Variants in NFIB observed in about 807,000 individuals in gnomAD.
NFIB encodes nuclear factor I B.
NFIB carries 11 observed loss-of-function variants against 61.5 expected under a neutral mutation model. That is an observed-to-expected ratio of 0.18 (90% CI 0.11 to 0.30). The LOEUF is 0.30. NFIB is among the 10% of genes least tolerant of loss of function. The probability of loss-of-function intolerance (pLI) is 1.00; values close to 1 mark genes in which losing one functional copy is unlikely to be tolerated. For missense variants in NFIB, 471 were observed against 608.9 expected (o/e 0.77, Z 2.38); for synonymous variants, 260 against 216.5 (o/e 1.20, Z -1.76).
At chr9:14,186,407 CTT>C (rs2131508376) in intron 2 of NFIB, among the ~76,000 whole-genome samples, 1 of 152,146 alleles carries the variant, frequency 6.6e-6, no homozygotes, top group Admixed American at 6.5e-5. Flanking sequence ...CAGTCTCTTT[CTT>C]TCTCTCTAAA....
chr9:14,084,644 G>C lies in NFIB; in HGVS notation c.*3665C>G, dbSNP rs117289522. The C allele has an allele frequency of 2.3e-3, 525 of 229,928 alleles. 1 individual carries two copies. The highest frequency in any genetic ancestry group is 3.8e-3 in the Non-Finnish European group (439 of 115,828). The allele number at this position is 229,928 out of a possible 1,614,324, so 14.2% of individuals were successfully genotyped here. On this transcript the variant is annotated 3_prime_UTR_variant, in exon 11 of 11. Transcript: ENST00000380953. ...AACAGTGCCACGGAACTGATGGTTG[G>C]AGACACCACTCCCTACTCATGCCCT...
the NFIB span, among the ~76,000 whole-genome samples, chr9:14,454,960 T>A: frequency 1.3e-5 from 2 of 152,216 alleles, no homozygotes; most frequent in Non-Finnish European, 2.9e-5. Flanking sequence ...AATGAAGATT[T>A]AGAGCAGAAT....
intron 2 of NFIB, among the ~76,000 whole-genome samples, chr9:14,269,460 T>C (rs2057443137): frequency 6.6e-6 from 1 of 152,200 alleles, no homozygotes; most frequent in African/African-American, 2.4e-5. Context: ...TACGACATCA[T>C]TTTCAAAGTG....
At chr9:14,333,623 T>C (rs974879985) in intron 1 of NFIB, among the ~76,000 whole-genome samples, 6 of 152,196 alleles carry the variant, frequency 3.9e-5, no homozygotes, top group African/African-American at 1.4e-4. Flanking sequence ...TTTGGATCCC[T>C]AAAAAGTAAG....
chr9:14,243,570 A>T lies in NFIB; in HGVS notation c.562+63419T>A, dbSNP rs149879511. On this transcript the variant is annotated intron_variant, in intron 2 of 10. Coordinates refer to ENST00000380953, the MANE Select transcript of NFIB (RefSeq NM_001190737.2). ...TAAATGAGTTTTCAAGTCCAGCCAGAAAGTCAACCTATGGTTAGATTTACC... is the reference window on the plus strand; with the variant it reads ...TAAATGAGTTTTCAAGTCCAGCCAGTAAGTCAACCTATGGTTAGATTTACC... Among the ~76,000 whole-genome samples the T allele has an allele frequency of 7.9e-5, 12 of 152,164 alleles. No homozygotes were observed. The East Asian group carries it at 2.3e-3, about 29-fold the overall frequency.
At chr9:14,415,441 A>G in the NFIB span, among the ~76,000 whole-genome samples, 207 of 152,336 alleles carry the variant, frequency 1.4e-3, no homozygotes, top group Non-Finnish European at 2.3e-3. Flanking sequence ...ACAATATTCT[A>G]TCAACTAGAA....
At chr9:14,124,046 C>T (rs2039315888) in intron 7 of NFIB, among the ~76,000 whole-genome samples, 1 of 152,124 alleles carries the variant, frequency 6.6e-6, no homozygotes, top group African/African-American at 2.4e-5. Flanking sequence ...CACTCTCTCC[C>T]CACTATATCC....
chr9:14,377,513 G>A lies in NFIB; in HGVS notation c.108+21011C>T, dbSNP rs374187540. Reference sequence around the variant, plus strand: ...ATTACAGGCAAGAGCCACCGTGCCTGGCCTGGAGAATGCTTTTCATCAGCA... The same window carrying A: ...ATTACAGGCAAGAGCCACCGTGCCTAGCCTGGAGAATGCTTTTCATCAGCA... On this transcript the variant is annotated intron_variant, in intron 1 of 8. Transcript: ENST00000380934. 3.4e-4 allele frequency among the ~76,000 whole-genome samples: 51 copies of A among 152,238 alleles called. No individual in the cohort carries two copies. The South Asian group carries it at 0.011, about 32-fold the overall frequency.
At chr9:14,477,019 T>A in the NFIB span, among the ~76,000 whole-genome samples, 4 of 152,232 alleles carry the variant, frequency 2.6e-5, no homozygotes, top group Non-Finnish European at 4.4e-5. Flanking sequence ...AGAATATATA[T>A]GATTTCTTTG....
At chr9:14,332,160 C>T (rs1258212160) in intron 1 of NFIB, among the ~76,000 whole-genome samples, 1 of 151,902 alleles carries the variant, frequency 6.6e-6, no homozygotes, top group Non-Finnish European at 1.5e-5. Context: ...TGGTGAAACC[C>T]CGTCTCTACT....
chr9:14,234,805 G>GTTTT (rs113148766), intron 2 of NFIB, among the ~76,000 whole-genome samples: 1 of 142,974 alleles, frequency 7.0e-6, no homozygotes, highest in African/African-American at 2.6e-5. Context: ...TTTTTTTTTG[G>GTTTT]TTTTTTTTTT....
the NFIB span, among the ~76,000 whole-genome samples, chr9:14,493,045 A>G: frequency 6.6e-6 from 1 of 152,228 alleles, no homozygotes; most frequent in Non-Finnish European, 1.5e-5. Context: ...AAATGGTAGC[A>G]GTGATTACTA....
At chr9:14,288,338 C>A (rs1385791678) in intron 2 of NFIB, among the ~76,000 whole-genome samples, 1 of 144,644 alleles carries the variant, frequency 6.9e-6, no homozygotes, top group Non-Finnish European at 1.6e-5. Context: ...TGTTACGATT[C>A]AATAATAAAA....
chr9:14,304,315 A>C (rs543716060), intron 2 of NFIB, among the ~76,000 whole-genome samples: 2 of 152,248 alleles, frequency 1.3e-5, no homozygotes, highest in African/African-American at 2.4e-5. Flanking sequence ...ATGAAACTTT[A>C]GTACATGTTG....
intron 2 of NFIB, among the ~76,000 whole-genome samples, chr9:14,198,301 G>A (rs2048668850): frequency 6.6e-6 from 1 of 152,044 alleles, no homozygotes; most frequent in Admixed American, 6.6e-5. Flanking sequence ...TGTTCACTAT[G>A]GCATTCTACG....
At chr9:14,219,431 T>C (rs1003436392) in intron 2 of NFIB, among the ~76,000 whole-genome samples, 2 of 111,720 alleles carry the variant, frequency 1.8e-5, no homozygotes, top group African/African-American at 6.9e-5. Flanking sequence ...TTTTTCCAAA[T>C]ACGATGTAAT....
chr9:14,305,547 CTTAAATGCATGGAAATA>C (rs1243483713), intron 2 of NFIB, among the ~76,000 whole-genome samples: 2 of 152,234 alleles, frequency 1.3e-5, no homozygotes, highest in East Asian at 3.9e-4. Flanking sequence ...GACTGTAATT[CTTAAATGCATGGAAATA>C]TTAAATGCAA....
At chr9:14,167,260 T>C (rs2044953852) in intron 3 of NFIB, among the ~76,000 whole-genome samples, 2 of 152,148 alleles carry the variant, frequency 1.3e-5, no homozygotes, top group Admixed American at 6.6e-5. Flanking sequence ...ACGTCAGAAC[T>C]GGCTGGGTGT....
intron 1 of NFIB, among the ~76,000 whole-genome samples, chr9:14,368,295 G>A (rs2061324543): frequency 6.6e-6 from 1 of 152,130 alleles, no homozygotes; most frequent in African/African-American, 2.4e-5. Flanking sequence ...ACATAAAGAG[G>A]TAGTAATATG....
Sources: gnomAD v4.1 joint callset for allele counts (sites outside exome capture counted in the v4.1 genomes callset) on GRCh38, gnomAD v4.1.1 for gene constraint, MANE v1.5 for transcripts, NCBI Gene and HGNC (gene_info 2026-07-23, HGNC 2026-07-21) for gene names.